The following SERBP1 variants were observed in gnomAD, a reference collection of about 807,000 sequenced individuals.
SERBP1 encodes SERPINE1 mRNA binding protein 1, also known as SERPINE1 mRNA-binding protein 1.
SERBP1 carries 6 observed loss-of-function variants against 50.2 expected under a neutral mutation model. The observed-to-expected ratio is 0.12, with a 90% CI of 0.07 to 0.24. The LOEUF is 0.24. SERBP1 is among the 10% of genes least tolerant of loss of function. SERBP1 has a pLI of 1.00. For synonymous variants in SERBP1, 168 were observed against 182.8 expected, an observed-to-expected ratio of 0.92 and a Z score of 0.65; for missense variants, 346 against 524.9, an observed-to-expected ratio of 0.66 and a Z score of 3.33.
At chr1:67,427,605 A>C (rs1667429912) in intron 1 of SERBP1, among the ~76,000 whole-genome samples, 1 of 152,188 alleles carries the variant, frequency 6.6e-6, no homozygotes, top group Non-Finnish European at 1.5e-5. Context: ...ACCTTACACC[A>C]AGGTATTTAA....
intron 7 of SERBP1, 65 bp downstream of exon 7, chr1:67,415,101 G>T: frequency 6.8e-7 from 1 of 1,469,372 alleles, no homozygotes; most frequent in Non-Finnish European, 9.1e-7. Flanking sequence ...ACATAAGTCT[G>T]ACCCAGCCAG....
chr1:67,416,658 CT>C (rs1667021459), intron 6 of SERBP1, among the ~76,000 whole-genome samples: 1 of 152,120 alleles, frequency 6.6e-6, no homozygotes, highest in Non-Finnish European at 1.5e-5. Context: ...AATAACTAGC[CT>C]TTAAAGTACA....
rs1667519882 is a variant in SERBP1 at position 67,429,996 on chromosome 1, T to G, written c.305A>C (p.Lys102Thr). Residue 102 changes from lysine to threonine, a missense_variant, in exon 1 of 8, where the codon AAG becomes ACG. Around this residue, in one of 5 missense-constraint regions of SERBP1, gnomAD observed 257 missense variants for 331.2 expected, o/e 0.78. Transcript: ENST00000361219. ...TTCTGCCCCTGCTTTACCTTCTTTC[T>G]TAAGCGCCACGGGCGGCTGCGTCTC... The part of the protein sequence containing the change: ...KEETQPPVAL[K>T]KEGIRRVGRR... 1.9e-6 allele frequency: 3 copies of G among 1,608,178 alleles called. No homozygotes were observed. Among genetic ancestry groups the G allele is most frequent in the Middle Eastern group, 1.7e-4 (1 of 6,026 alleles).
chr1:67,411,087 ACCCACC>A lies in SERBP1; in HGVS notation c.*2114_*2119del, dbSNP rs1666822123. ...AAATAAATCTTTATTTTCAGTTATT[ACCCACC>A]AATAAGAGAAAGTTAGGTTCACAGT... is the stretch of plus-strand genomic sequence containing the variant. On this transcript the variant is annotated 3_prime_UTR_variant, in exon 8 of 8. Coordinates refer to ENST00000361219, the MANE Select transcript of SERBP1 (RefSeq NM_001018069.2). 1 of 152,144 alleles carries A rather than the reference ACCCACC, an allele frequency of 6.6e-6. No individual in the cohort carries two copies. Among genetic ancestry groups the A allele is most frequent in the Non-Finnish European group, 1.5e-5 (1 of 67,990 alleles). The allele number at this position is 152,144 out of a possible 1,614,324, so 9.4% of individuals were successfully genotyped here.
intron 5 of SERBP1, among the ~76,000 whole-genome samples, chr1:67,423,103 A>C (rs1048490887): frequency 6.8e-6 from 1 of 146,364 alleles, no homozygotes; most frequent in African/African-American, 2.6e-5. Flanking sequence ...CACCGAGGTC[A>C]GGAGTTCGAG....
chr1:67,422,508 C>T (rs1667232723), intron 5 of SERBP1, among the ~76,000 whole-genome samples: 1 of 150,202 alleles, frequency 6.7e-6, no homozygotes, highest in African/African-American at 2.5e-5. Context: ...AAAACTCCAT[C>T]TCAAAAAAAA....
chr1:67,422,746 G>C (rs1667240678), intron 5 of SERBP1, among the ~76,000 whole-genome samples: 1 of 151,964 alleles, frequency 6.6e-6, no homozygotes, highest in Non-Finnish European at 1.5e-5. Flanking sequence ...CATCACCTGA[G>C]GTCAGGAGTT....
chr1:67,416,399 A>C (rs1195996951), intron 6 of SERBP1, among the ~76,000 whole-genome samples: 4 of 152,194 alleles, frequency 2.6e-5, no homozygotes, highest in Non-Finnish European at 4.4e-5. Context: ...AGTCTGGGGG[A>C]AAAAAGCAAA....
chr1:67,415,201 C>G lies in SERBP1; in HGVS notation c.1090G>C (p.Gly364Arg). The G allele has an allele frequency of 6.2e-7, 1 of 1,606,454 alleles. No individual in the cohort carries two copies. Among genetic ancestry groups the G allele is most frequent in the Non-Finnish European group, 8.5e-7 (1 of 1,177,244 alleles). ...CTGCTGCCACGGTTTGGGCGCCCAC[C>G]ACGCCCACGTCCACCTCGTCCTCCC... ...GRGGRGGRGR[G>R]GRPNRGSRTD... The change falls in exon 7 of 8, where the codon GGT becomes CGT. Residue 364 changes from glycine (G) to arginine (R), a missense_variant. Transcript: ENST00000361219.
intron 5 of SERBP1, among the ~76,000 whole-genome samples, chr1:67,423,901 G>C (rs1049805324): frequency 1.4e-4 from 21 of 151,930 alleles, no homozygotes; most frequent in Non-Finnish European, 4.4e-5. Context: ...CTCTTTTAAG[G>C]GCTGGGTGCA....
In SERBP1 at chr1:67,409,384, C is replaced by CGG. The variant is rs1666745107; in HGVS notation, c.*3821_*3822dup. On this transcript the variant is annotated 3_prime_UTR_variant, in exon 8 of 8. Coordinates refer to ENST00000361219, the MANE Select transcript of SERBP1 (RefSeq NM_001018069.2). ...AAAAACCATTCTTAACTCAGGGACA[C>CGG]GGACACACACACACACACACACACA... The CGG allele has an allele frequency of 1.0e-5, 1 of 96,896 alleles. No individual in the cohort carries two copies. Among genetic ancestry groups the CGG allele is most frequent in the Non-Finnish European group, 2.0e-5 (1 of 49,734 alleles). 6.0% of individuals were successfully genotyped at this position (96,896 alleles called of 1,614,324 possible). A position where few individuals can be genotyped will look rare whatever the true frequency, so the allele number is the denominator to read the frequency against.
chr1:67,424,139 A>G, intron 5 of SERBP1, 61 bp downstream of exon 5: 1 of 1,526,128 alleles, frequency 6.6e-7, no homozygotes, highest in Admixed American at 2.1e-5. Context: ...GGGTTATCTT[A>G]TTGGTAAAAC....
chr1:67,421,770 A>G (rs889835350), intron 5 of SERBP1, among the ~76,000 whole-genome samples: 1 of 152,174 alleles, frequency 6.6e-6, no homozygotes, highest in Non-Finnish European at 1.5e-5. Flanking sequence ...CCTGGCCAAC[A>G]TGGTGTAACC....
rs1666762794 is a variant in SERBP1, at chr1:67,409,576, T to G, written c.*3631A>C. On this transcript the variant is annotated 3_prime_UTR_variant, in exon 8 of 8. Coordinates refer to ENST00000361219, the MANE Select transcript of SERBP1 (RefSeq NM_001018069.2). ...TTATATTCTAACCATTTCCTAAACTTAAGCTTCTCATGTTTAGATTACAAC... is the reference window on the plus strand; with the variant it reads ...TTATATTCTAACCATTTCCTAAACTGAAGCTTCTCATGTTTAGATTACAAC... 6.6e-6 allele frequency: 1 copy of G among 152,164 alleles called. No individual in the cohort carries two copies. Among genetic ancestry groups the G allele is most frequent in the Non-Finnish European group, 1.5e-5 (1 of 68,018 alleles). The allele number at this position is 152,164 out of a possible 1,614,324, so 9.4% of individuals were successfully genotyped here.
rs1666715475 is a variant in SERBP1 at position 67,408,684 on chromosome 1, T to C, written c.*4523A>G. On this transcript the variant is annotated 3_prime_UTR_variant, in exon 8 of 8. Transcript: ENST00000361219. ...AATTCTCATCTCATAGAAAAACCTC[T>C]TTGCACAACGCAAAGGACTTACACA... is the stretch of plus-strand genomic sequence containing the variant. The C allele has an allele frequency of 6.6e-6, 1 of 152,134 alleles. No homozygotes were observed. The highest frequency in any genetic ancestry group is 2.1e-4 in the South Asian group (1 of 4,822). The allele number at this position is 152,134 out of a possible 1,614,324, so 9.4% of individuals were successfully genotyped here.
rs1666876493 is a variant in SERBP1 at position 67,412,515 on chromosome 1, C to T, written c.*692G>A. ...AATGTAAATCAGTTATAATTTGAAC[C>T]TAATGAGCCATGCAAGGAGCAAGGG... On this transcript the variant is annotated 3_prime_UTR_variant, in exon 8 of 8. Transcript: ENST00000361219. 6.6e-6 allele frequency: 1 copy of T among 152,498 alleles called. No homozygotes were observed. The highest frequency in any genetic ancestry group is 1.5e-5 in the Non-Finnish European group (1 of 68,012). 9.4% of individuals were successfully genotyped at this position (152,498 alleles called of 1,614,324 possible).
chr1:67,411,713 T>C lies in SERBP1; in HGVS notation c.*1494A>G, dbSNP rs939654212. On this transcript the variant is annotated 3_prime_UTR_variant, in exon 8 of 8. Coordinates refer to ENST00000361219, the MANE Select transcript of SERBP1 (RefSeq NM_001018069.2). The stretch of plus-strand genomic sequence containing the variant: ...ATCAGCTAAATAGAAATGTTTAAGA[T>C]TGAAGATGTCCAATATTTTTAAAAC... The C allele has an allele frequency of 1.3e-5, 2 of 152,186 alleles. No homozygotes were observed. Among genetic ancestry groups the C allele is most frequent in the African/African-American group, 2.4e-5 (1 of 41,460 alleles). The allele number at this position is 152,186 out of a possible 1,614,324, so 9.4% of individuals were successfully genotyped here. A position where few individuals can be genotyped will look rare whatever the true frequency, so the allele number is the denominator to read the frequency against.
chr1:67,421,806 T>G (rs527626315), intron 5 of SERBP1, among the ~76,000 whole-genome samples: 2 of 152,072 alleles, frequency 1.3e-5, no homozygotes, highest in Non-Finnish European at 2.9e-5. Flanking sequence ...ATACAAAAAT[T>G]AGCCAGGCAT....
chr1:67,420,733 C>T (rs892373864), intron 5 of SERBP1, among the ~76,000 whole-genome samples: 3 of 152,136 alleles, frequency 2.0e-5, no homozygotes, highest in African/African-American at 4.8e-5. Context: ...CGTGTTTCTA[C>T]AAATCCTAAA....
Sources: allele counts gnomAD v4.1 joint callset (sites outside exome capture counted in the v4.1 genomes callset), GRCh38; gene constraint gnomAD v4.1.1; regional missense constraint gnomAD v4.1.1; transcripts MANE v1.5; gene names NCBI Gene and HGNC (gene_info 2026-07-23, HGNC 2026-07-21).